EYS: variants seen among roughly 807,000 people sequenced by gnomAD.
EYS encodes the protein EGF-like photoreceptor maintenance factor.
Under a neutral mutation model 282.1 loss-of-function variants are expected in EYS, and 250 were observed. The ratio of observed to expected loss-of-function variants is 0.89; its 90% CI spans 0.80 to 0.98. EYS has a LOEUF of 0.98. Among genes scored for constraint, EYS ranks in the 50% least tolerant of loss-of-function variants. EYS has a pLI of 0.00. For missense variants in EYS, 4,016 were observed against 3,709.0 expected, an observed-to-expected ratio of 1.08 and a Z score of -2.15; for synonymous variants, 1,355 against 1,282.9, an observed-to-expected ratio of 1.06 and a Z score of -1.20.
At chr6:64,986,702 G>A (rs1770871263) in intron 14 of EYS, among the ~76,000 whole-genome samples, 1 of 149,914 alleles carries the variant, frequency 6.7e-6, no homozygotes, top group African/African-American at 2.4e-5. Flanking sequence ...AAGTTAAAAT[G>A]TTTTGCACAT....
intron 26 of EYS, among the ~76,000 whole-genome samples, chr6:64,514,246 G>A (rs1221737853): frequency 6.6e-6 from 1 of 151,720 alleles, no homozygotes; most frequent in African/African-American, 2.4e-5. Context: ...AATTAAATAT[G>A]TAAAACCAAG....
chr6:64,335,583 C>T (rs1770820335), intron 29 of EYS, among the ~76,000 whole-genome samples: 1 of 152,074 alleles, frequency 6.6e-6, no homozygotes, highest in East Asian at 1.9e-4. Context: ...ACTTTCTGGA[C>T]GTATGTCCGG....
At chr6:64,008,100 T>C (rs1209429410) in intron 33 of EYS, among the ~76,000 whole-genome samples, 1 of 152,192 alleles carries the variant, frequency 6.6e-6, no homozygotes, top group East Asian at 1.9e-4. Flanking sequence ...ACTATTGTTG[T>C]ATGGTTATCT....
chr6:64,107,283 ATT>A (rs1486557983), intron 31 of EYS, among the ~76,000 whole-genome samples: 49 of 83,540 alleles, frequency 5.9e-4, no homozygotes, highest in Middle Eastern at 5.8e-3. Flanking sequence ...ATATATATAT[ATT>A]TATATATATA....
chr6:65,248,448 A>G (rs1392600923), intron 12 of EYS, among the ~76,000 whole-genome samples: 2 of 152,086 alleles, frequency 1.3e-5, no homozygotes, highest in South Asian at 4.1e-4. Context: ...AAGAAATGAC[A>G]TATGTCATAT....
At chr6:64,308,293 G>A (rs573292574) in intron 29 of EYS, among the ~76,000 whole-genome samples, 2 of 152,152 alleles carry the variant, frequency 1.3e-5, no homozygotes, top group East Asian at 3.9e-4. Context: ...CCAAGAACAA[G>A]AAGAGAAGTA....
intron 26 of EYS, among the ~76,000 whole-genome samples, chr6:64,472,704 A>G (rs1036543937): frequency 6.6e-6 from 1 of 152,182 alleles, no homozygotes; most frequent in African/African-American, 2.4e-5. Flanking sequence ...GAGAGAAAGT[A>G]TTTCTCAAAT....
At chr6:63,956,113 A>G (rs1266914459) in intron 35 of EYS, among the ~76,000 whole-genome samples, 1 of 151,932 alleles carries the variant, frequency 6.6e-6, no homozygotes, top group Non-Finnish European at 1.5e-5. Flanking sequence ...CTGCCCCAAC[A>G]CTTCAACACT....
chr6:65,180,366 T>C (rs1328045156), intron 12 of EYS, among the ~76,000 whole-genome samples: 4 of 152,086 alleles, frequency 2.6e-5, no homozygotes, highest in Non-Finnish European at 5.9e-5. Context: ...AGTCTCAGGA[T>C]ACAAAATCAA....
At chr6:64,524,369 C>A (rs1043802953) in intron 26 of EYS, among the ~76,000 whole-genome samples, 2 of 151,670 alleles carry the variant, frequency 1.3e-5, no homozygotes, top group African/African-American at 4.8e-5. Context: ...CTTATAGATG[C>A]TGGATATGAT....
intron 2 of EYS, among the ~76,000 whole-genome samples, chr6:65,550,149 T>A (rs201450825): frequency 9.1e-4 from 13 of 14,318 alleles, no homozygotes; most frequent in Admixed American, 1.1e-3. Context: ...ATATCTTTTT[T>A]TTTTTTTTTT....
chr6:65,400,498 C>G (rs1458774207), intron 7 of EYS, among the ~76,000 whole-genome samples: 1 of 151,852 alleles, frequency 6.6e-6, no homozygotes. Context: ...TCCTTCTGCT[C>G]ATAATAATAA....
At position 64,239,937 on chromosome 6, in the gene EYS, G is replaced by A. The variant is rs141634670; in HGVS notation, c.6192-9113C>T. Among the ~76,000 whole-genome samples, 720 of 152,226 alleles carry A rather than the reference G, an allele frequency of 4.7e-3. 22 individuals are homozygous for A. The highest frequency in any genetic ancestry group is 0.042 in the Admixed American group (643 of 15,268). Reference sequence around the variant, plus strand: ...ATCTTAACTTAATTTTGTATAAGGCGTAAGGAAGGGATCCAGTTTAAGCTT... The same window carrying A: ...ATCTTAACTTAATTTTGTATAAGGCATAAGGAAGGGATCCAGTTTAAGCTT... On this transcript the variant is annotated intron_variant, in intron 30 of 42. Transcript: ENST00000503581.
chr6:65,158,799 T>A (rs1174190962), intron 12 of EYS, among the ~76,000 whole-genome samples: 2 of 150,926 alleles, frequency 1.3e-5, no homozygotes, highest in African/African-American at 4.8e-5. Flanking sequence ...TAATTTTATT[T>A]CAGCACAAAA....
At chr6:63,861,458 T>C (rs1165882103) in intron 36 of EYS, among the ~76,000 whole-genome samples, 1 of 152,210 alleles carries the variant, frequency 6.6e-6, no homozygotes, top group African/African-American at 2.4e-5. Context: ...TTTAAACAGA[T>C]ACACAAAAGT....
At chr6:64,317,346 A>G (rs1272490610) in intron 29 of EYS, among the ~76,000 whole-genome samples, 1 of 151,880 alleles carries the variant, frequency 6.6e-6, no homozygotes, top group Non-Finnish European at 1.5e-5. Flanking sequence ...AAGAAAAAAA[A>G]AAAACATCAA....
intron 2 of EYS, among the ~76,000 whole-genome samples, chr6:65,519,804 C>T (rs1767295135): frequency 7.0e-6 from 1 of 142,768 alleles, no homozygotes. Context: ...CAGCCTCAAC[C>T]TCCCGCGGCT....
In EYS at chr6:63,864,258, A is replaced by G; in HGVS notation, c.7156T>C (p.Cys2386Arg). ...ENNPCGNGAT[C>R]VPKSGTDIVC... ...ATATCTGTTCCGGATTTTGGAACAC[A>G]GGTGGCACCATTTCCACATGGGTTG... The change falls in exon 36 of 43, where the codon TGT becomes CGT. Residue 2386 changes from cysteine to arginine, a missense_variant. Physicochemically the swap from Cys to Arg is radical, Grantham distance 180 (BLOSUM62 -3). Coordinates refer to ENST00000503581, the MANE Select transcript of EYS (RefSeq NM_001142800.2). 6.4e-7 allele frequency: 1 copy of G among 1,551,212 alleles called. No individual in the cohort carries two copies. The highest frequency in any genetic ancestry group is 2.4e-5 in the East Asian group (1 of 40,898).
intron 7 of EYS, among the ~76,000 whole-genome samples, chr6:65,394,433 A>G (rs938296004): frequency 6.6e-6 from 1 of 152,176 alleles, no homozygotes; most frequent in Non-Finnish European, 1.5e-5. Flanking sequence ...AGGTGATCAG[A>G]GACCCTAGGA....
Sources: gnomAD v4.1 joint callset for allele counts (sites outside exome capture counted in the v4.1 genomes callset) on GRCh38, gnomAD v4.1.1 for gene constraint, MANE v1.5 for transcripts, NCBI Gene and HGNC (gene_info 2026-07-23, HGNC 2026-07-21) for gene names.